PEX1: variants seen among roughly 807,000 people sequenced by gnomAD.
The protein encoded by PEX1 is peroxisomal ATPase PEX1.
In PEX1, 97 loss-of-function variants were observed where a neutral mutation model predicts 152.5. The observed-to-expected ratio is 0.64, with a 90% CI of 0.54 to 0.75. PEX1 has a LOEUF of 0.75. PEX1 is among the 30% of genes least tolerant of loss of function. PEX1 has a pLI of 0.00. For missense variants in PEX1, 1,357 were observed against 1,516.3 expected (o/e 0.89, Z 1.74); for synonymous variants, 485 against 531.6 (o/e 0.91, Z 1.21).
chr7:92,489,686 A>G (rs770991721), intron 22 of PEX1, 28 bp downstream of exon 22: 2 of 1,592,546 alleles, frequency 1.3e-6, no homozygotes, highest in East Asian at 4.5e-5. Context: ...AAGTTTTAAC[A>G]ATTATAATGA....
intron 11 of PEX1, 32 bp downstream of exon 11, chr7:92,506,216 G>A (rs781580294): frequency 1.8e-6 from 2 of 1,128,624 alleles, no homozygotes; most frequent in South Asian, 2.5e-5. Flanking sequence ...TAATGAAAAA[G>A]GGATTTATAT....
At chr7:92,490,160 T>C (rs886944373) in intron 21 of PEX1, 39 of 514,722 alleles carry the variant, frequency 7.6e-5, no homozygotes, top group African/African-American at 7.3e-4. Flanking sequence ...TTTTTAACTT[T>C]GTTGCTTAAA....
chr7:92,494,237 A>G (rs1791520253), intron 19 of PEX1, 56 bp downstream of exon 19: 1 of 1,284,966 alleles, frequency 7.8e-7, no homozygotes, highest in Admixed American at 1.8e-5. Flanking sequence ...AGTAAAGCTC[A>G]CAAGGAAAGA....
chr7:92,510,493 A>G, intron 8 of PEX1, among the ~76,000 whole-genome samples: 2 of 151,786 alleles, frequency 1.3e-5, no homozygotes, highest in East Asian at 3.9e-4. Context: ...TAATATAATA[A>G]TAAAAAAACT....
At chr7:92,516,790 T>G (rs1468246167) in intron 5 of PEX1, among the ~76,000 whole-genome samples, 2 of 152,220 alleles carry the variant, frequency 1.3e-5, no homozygotes, top group East Asian at 3.9e-4. Context: ...AGCTCCTGGA[T>G]GCATTCCAAT....
rs374010060 is a variant in PEX1 at position 92,502,010 on chromosome 7, C to T, written c.2296G>A (p.Asp766Asn). ...TTAGCTACATGCTGCAGGTCAAGAT[C>T]GGTGAACTTGTTTATATCACAGTCC... ...KLDCDINKFT[D>N]LDLQHVAKET... is the part of the protein sequence containing the mutation. The change falls in exon 14 of 24, where the codon GAT (aspartate) becomes AAT (asparagine). Residue 766 changes from aspartate to asparagine, a missense_variant. Asp to Asn is a conservative substitution (Grantham distance 23, BLOSUM62 1). Transcript: ENST00000248633. The T allele has an allele frequency of 1.2e-5, 20 of 1,612,980 alleles. No homozygotes were observed. The highest frequency in any genetic ancestry group is 8.0e-5 in the African/African-American group (6 of 74,896).
intron 17 of PEX1, 112 bp downstream of exon 17, chr7:92,496,601 C>T: frequency 1.3e-6 from 1 of 780,394 alleles, no homozygotes; most frequent in African/African-American, 1.7e-5. Flanking sequence ...TAATAATTCA[C>T]ATAAACCACA....
intron 9 of PEX1, among the ~76,000 whole-genome samples, chr7:92,508,631 A>T (rs189940562): frequency 6.6e-6 from 1 of 152,282 alleles, no homozygotes; most frequent in African/African-American, 2.4e-5. Context: ...AAACATTTAC[A>T]GATTATACCA....
Position 92,499,687 on chromosome 7 carries a change from A to G in PEX1, c.2718+17T>C, listed in dbSNP as rs1585228305. The G allele has an allele frequency of 1.3e-5, 20 of 1,598,244 alleles. No homozygotes were observed. The East Asian group carries it at 3.1e-4, about 25-fold the overall frequency. On this transcript the variant is annotated intron_variant, in intron 16 of 23. Transcript: ENST00000248633. ...AATTTTACCTAAATAAAAAAAGAAGATAAGTAGACAACATACCTTGACACT... is the reference window on the plus strand; with the variant it reads ...AATTTTACCTAAATAAAAAAAGAAGGTAAGTAGACAACATACCTTGACACT...
At chr7:92,489,258 G>A (rs1562841817) in intron 23 of PEX1, 35 bp downstream of exon 23, 1 of 1,583,624 alleles carries the variant, frequency 6.3e-7, no homozygotes, top group Non-Finnish European at 8.7e-7. Flanking sequence ...ACTTGTAATA[G>A]TAGCTGTACT....
At chr7:92,516,698 A>C (rs892849939) in intron 5 of PEX1, among the ~76,000 whole-genome samples, 2 of 152,180 alleles carry the variant, frequency 1.3e-5, no homozygotes, top group Admixed American at 1.3e-4. Flanking sequence ...TGTGGCCAGG[A>C]TGAGGGGCTG....
chr7:92,489,226 G>A (rs142422529), intron 23 of PEX1, 67 bp downstream of exon 23: 1 of 1,338,110 alleles, frequency 7.5e-7, no homozygotes, highest in South Asian at 1.2e-5. Context: ...GAACTTTAAA[G>A]GTTTAAGTGT....
intron 6 of PEX1, among the ~76,000 whole-genome samples, chr7:92,512,233 G>A (rs1298673282): frequency 6.6e-6 from 1 of 152,154 alleles, no homozygotes; most frequent in Non-Finnish European, 1.5e-5. Context: ...TGTTGGCCAG[G>A]CTGGTCTCAA....
chr7:92,504,946 C>G (rs368062415), intron 11 of PEX1, 44 bp from the exon 12 acceptor site: 2 of 1,452,534 alleles, frequency 1.4e-6, no homozygotes, highest in South Asian at 2.3e-5. Flanking sequence ...CATTTCAGTG[C>G]TGGGAAAATT....
intron 6 of PEX1, among the ~76,000 whole-genome samples, 167 bp from the exon 7 acceptor site, chr7:92,511,870 A>C (rs1294349345): frequency 6.6e-6 from 1 of 152,240 alleles, no homozygotes; most frequent in African/African-American, 2.4e-5. Flanking sequence ...CATTACAGTT[A>C]GCACAATGAG....
chr7:92,493,160 AAAAAT>A (rs1562846600), intron 19 of PEX1, 31 bp from the exon 20 acceptor site: 2 of 1,252,004 alleles, frequency 1.6e-6, no homozygotes, highest in Non-Finnish European at 2.3e-6. Context: ...TTAACAAATA[AAAAAT>A]AAAATTAAAA....
At chr7:92,524,891 A>T (rs764467194) in intron 1 of PEX1, among the ~76,000 whole-genome samples, 14 of 152,214 alleles carry the variant, frequency 9.2e-5, no homozygotes, top group Non-Finnish European at 2.1e-4. Flanking sequence ...CAGAGTCAGC[A>T]ATACATAATC....
rs1466220619 is a variant in PEX1, at chr7:92,493,037, G to T, written c.3123C>A (p.Ser1041=). The change falls in exon 20 of 24, where the codon TCC becomes TCA. Residue 1041 remains serine, a synonymous_variant. Transcript: ENST00000248633. The stretch of plus-strand genomic sequence containing the variant: ...AAGCTTTCAGATCAGCTCCAGTAAA[G>T]GAGTCAGTTACTGATGCTACATGCT... ...DLQHVASVTD[S]FTGADLKALL... The T allele has an allele frequency of 1.9e-6, 3 of 1,611,206 alleles. No individual in the cohort carries two copies.
intron 6 of PEX1, among the ~76,000 whole-genome samples, chr7:92,512,579 C>T (rs1792527410): frequency 6.6e-6 from 1 of 152,198 alleles, no homozygotes; most frequent in African/African-American, 2.4e-5. Context: ...GCAACTTCCA[C>T]CTCCTCAGTT....
Sources: allele counts gnomAD v4.1 joint callset (sites outside exome capture counted in the v4.1 genomes callset), GRCh38; gene constraint gnomAD v4.1.1; transcripts MANE v1.5; gene names NCBI Gene and HGNC (gene_info 2026-07-23, HGNC 2026-07-21).